The following ARHGAP15 variants were observed in gnomAD, a reference collection of about 807,000 sequenced individuals.
ARHGAP15 encodes Rho GTPase activating protein 15.
Under a neutral mutation model 63.7 loss-of-function variants are expected in ARHGAP15, and 51 were observed. The observed-to-expected ratio is 0.80, with a 90% CI of 0.64 to 1.01. ARHGAP15 has a LOEUF of 1.01. Among genes scored for constraint, ARHGAP15 ranks in the 50% least tolerant of loss-of-function variants. ARHGAP15 has a pLI of 0.00. For synonymous variants in ARHGAP15, 191 were observed against 193.8 expected (o/e 0.99, Z 0.12); for missense variants, 560 against 564.6 (o/e 0.99, Z 0.08).
chr2:143,656,933 T>TGG (rs869270501), intron 12 of ARHGAP15, among the ~76,000 whole-genome samples: 3 of 55,596 alleles, frequency 5.4e-5, no homozygotes, highest in Non-Finnish European at 1.1e-4. Flanking sequence ...ACAAAGTTTC[T>TGG]GGTGTGTGTG....
intron 1 of ARHGAP15, among the ~76,000 whole-genome samples, chr2:143,143,563 CTTTCT>C (rs1558772036): frequency 5.2e-5 from 6 of 114,374 alleles, no homozygotes; most frequent in Non-Finnish European, 5.5e-5. Context: ...GAGCTATTTT[CTTTCT>C]TTTTTTTTTT....
At chr2:143,671,804 A>G (rs1161646593) in intron 12 of ARHGAP15, among the ~76,000 whole-genome samples, 1 of 152,208 alleles carries the variant, frequency 6.6e-6, no homozygotes, top group African/African-American at 2.4e-5. Context: ...CTCCTAACAC[A>G]TTATTTGTAA....
intron 11 of ARHGAP15, among the ~76,000 whole-genome samples, chr2:143,573,441 A>G (rs974450741): frequency 3.5e-5 from 5 of 144,794 alleles, no homozygotes; most frequent in Non-Finnish European, 6.2e-5. Flanking sequence ...CAGAATATTT[A>G]TTAACTAAAT....
intron 6 of ARHGAP15, among the ~76,000 whole-genome samples, chr2:143,354,789 G>T (rs759121561): frequency 6.6e-6 from 1 of 152,122 alleles, no homozygotes. Flanking sequence ...TAATTTCAAA[G>T]ATTTTGCAGC....
At chr2:143,663,669 C>A (rs1156314884) in intron 12 of ARHGAP15, among the ~76,000 whole-genome samples, 1 of 151,950 alleles carries the variant, frequency 6.6e-6, no homozygotes, top group African/African-American at 2.4e-5. Flanking sequence ...TTCAGGAAAC[C>A]CATCTCATGT....
chr2:143,517,957 A>G (rs562510148), intron 9 of ARHGAP15, among the ~76,000 whole-genome samples: 2 of 152,356 alleles, frequency 1.3e-5, no homozygotes, highest in South Asian at 2.1e-4. Flanking sequence ...AGGTCAGATT[A>G]TGTAATACCT....
intron 9 of ARHGAP15, among the ~76,000 whole-genome samples, chr2:143,490,262 G>A (rs1692528632): frequency 6.6e-6 from 1 of 152,076 alleles, no homozygotes; most frequent in South Asian, 2.1e-4. Context: ...GCCTCCCAAA[G>A]TGACGGGATT....
chr2:143,702,999 C>T (rs1358474804), intron 12 of ARHGAP15, among the ~76,000 whole-genome samples: 1 of 152,176 alleles, frequency 6.6e-6, no homozygotes, highest in Non-Finnish European at 1.5e-5. Context: ...ACACGGACAT[C>T]TTTGGAAGGC....
At chr2:143,661,655 T>A (rs1386756009) in intron 12 of ARHGAP15, among the ~76,000 whole-genome samples, 1 of 152,188 alleles carries the variant, frequency 6.6e-6, no homozygotes, top group Non-Finnish European at 1.5e-5. Flanking sequence ...CATTTCCATC[T>A]GAGGTACCGG....
chr2:143,179,755 GC>G (rs995993206), intron 2 of ARHGAP15, among the ~76,000 whole-genome samples: 10 of 152,084 alleles, frequency 6.6e-5, no homozygotes, highest in Non-Finnish European at 1.3e-4. Context: ...AATCGGGCGT[GC>G]TTTTCCATGC....
chr2:143,262,535 A>ATTTTTTGTTTTTTTTTTTT (rs1680774739), intron 6 of ARHGAP15, among the ~76,000 whole-genome samples: 1 of 90,924 alleles, frequency 1.1e-5, no homozygotes, highest in African/African-American at 4.7e-5. Flanking sequence ...TGAACCTTTG[A>ATTTTTTGTTTTTTTTTTTT]TTTTTTTTTT....
chr2:143,536,715 A>G (rs1170467928), intron 10 of ARHGAP15, among the ~76,000 whole-genome samples: 2 of 151,788 alleles, frequency 1.3e-5, no homozygotes, highest in African/African-American at 4.8e-5. Flanking sequence ...ATCATTTTTT[A>G]TGGCTGCATA....
chr2:143,479,297 C>T (rs4260182), intron 8 of ARHGAP15, among the ~76,000 whole-genome samples: 10,290 of 151,132 alleles, frequency 0.068, 533 homozygotes, highest in East Asian at 0.22. Context: ...CAGAGGCTAT[C>T]ACCTCTCTGG....
At chr2:143,670,372 A>T (rs1316917855) in intron 12 of ARHGAP15, among the ~76,000 whole-genome samples, 1 of 152,192 alleles carries the variant, frequency 6.6e-6, no homozygotes, top group Non-Finnish European at 1.5e-5. Flanking sequence ...GCCAGATGAC[A>T]AAATCTGGGT....
chr2:143,359,498 G>A (rs59695997), intron 6 of ARHGAP15, among the ~76,000 whole-genome samples: 4 of 152,074 alleles, frequency 2.6e-5, no homozygotes, highest in Admixed American at 6.5e-5. Flanking sequence ...CTCTTCTTCA[G>A]AATTCATTTC....
At chr2:143,652,033 GTTTAT>G (rs1368413698) in intron 12 of ARHGAP15, among the ~76,000 whole-genome samples, 1 of 151,934 alleles carries the variant, frequency 6.6e-6, no homozygotes, top group Non-Finnish European at 1.5e-5. Flanking sequence ...GTAAGTAGAG[GTTTAT>G]TTTGAGACTG....
intron 6 of ARHGAP15, among the ~76,000 whole-genome samples, chr2:143,257,614 C>T (rs540979753): frequency 6.6e-6 from 1 of 152,244 alleles, no homozygotes; most frequent in South Asian, 2.1e-4. Flanking sequence ...ATCCCTTCCT[C>T]TCATGGAACA....
intron 2 of ARHGAP15, among the ~76,000 whole-genome samples, chr2:143,188,376 T>G (rs1691529631): frequency 6.6e-6 from 1 of 151,906 alleles, no homozygotes; most frequent in Non-Finnish European, 1.5e-5. Flanking sequence ...TTATCATAAC[T>G]ATAGCTATTT....
chr2:143,250,366 C>A, intron 5 of ARHGAP15, 145 bp from the exon 6 acceptor site: 2 of 484,254 alleles, frequency 4.1e-6, no homozygotes, highest in Non-Finnish European at 7.1e-6. Flanking sequence ...ATGAAAATTC[C>A]TACAAATTAG....
Sources: gnomAD v4.1 joint callset for allele counts (sites outside exome capture counted in the v4.1 genomes callset) on GRCh38, gnomAD v4.1.1 for gene constraint, MANE v1.5 for transcripts, NCBI Gene and HGNC (gene_info 2026-07-23, HGNC 2026-07-21) for gene names.